NPIPB11: variants seen among roughly 807,000 people sequenced by gnomAD.
The protein encoded by NPIPB11 is nuclear pore complex-interacting protein family member B11.
Under a neutral mutation model 32.8 loss-of-function variants are expected in NPIPB11, and 17 were observed. The observed-to-expected ratio is 0.52, with a 90% CI of 0.35 to 0.78. The LOEUF is 0.78. Among genes scored for constraint, NPIPB11 ranks in the 30% least tolerant of loss-of-function variants. The pLI is 0.01. For missense variants in NPIPB11, 537 were observed against 1,000.4 expected, an observed-to-expected ratio of 0.54 and a Z score of 6.25; for synonymous variants, 209 against 398.4, an observed-to-expected ratio of 0.52 and a Z score of 5.66.
At chr16:29,392,009 C>G (rs1242800647) in intron 3 of NPIPB11, among the ~76,000 whole-genome samples, 1 of 152,074 alleles carries the variant, frequency 6.6e-6, no homozygotes, top group African/African-American at 2.4e-5. Context: ...GCATGAGCCA[C>G]CACACCTGGC....
chr16:29,392,289 G>C (rs1472596286), intron 3 of NPIPB11, among the ~76,000 whole-genome samples: 1 of 152,036 alleles, frequency 6.6e-6, no homozygotes, highest in Non-Finnish European at 1.5e-5. Flanking sequence ...CACCCATGAT[G>C]TCCCTGCTTA....
chr16:29,406,070 T>C (rs529355334), upstream of NPIPB11, among the ~76,000 whole-genome samples: 1 of 152,396 alleles, frequency 6.6e-6, no homozygotes, highest in African/African-American at 2.4e-5. Context: ...TTGACGTCTT[T>C]GATGGGTTTC....
At chr16:29,406,064 C>T (rs1329557344), upstream of NPIPB11, among the ~76,000 whole-genome samples, 11 of 152,362 alleles carry the variant, frequency 7.2e-5, no homozygotes, top group South Asian at 2.1e-4. Flanking sequence ...TCAAACTTGA[C>T]GTCTTTGATG....
intron 3 of NPIPB11, among the ~76,000 whole-genome samples, chr16:29,390,642 A>T (rs910303062): frequency 7.8e-6 from 1 of 128,982 alleles, no homozygotes; most frequent in Non-Finnish European, 1.7e-5. Context: ...ACAGAATGAG[A>T]CTCTGTCACA....
chr16:29,405,173 T>C (rs1384993827), upstream of NPIPB11, among the ~76,000 whole-genome samples: 1 of 152,074 alleles, frequency 6.6e-6, no homozygotes, highest in East Asian at 1.9e-4. Flanking sequence ...TTGCATCATA[T>C]TTCCCATATG....
chr16:29,404,652 G>A (rs560469556), upstream of NPIPB11, among the ~76,000 whole-genome samples: 18 of 151,194 alleles, frequency 1.2e-4, no homozygotes, highest in East Asian at 3.9e-4. Flanking sequence ...GGGTAGTTCC[G>A]GCCTGGAGGT....
intron 2 of NPIPB11, among the ~76,000 whole-genome samples, chr16:29,398,809 A>T (rs1372459843): frequency 6.6e-6 from 1 of 151,908 alleles, no homozygotes; most frequent in Non-Finnish European, 1.5e-5. Context: ...CTGGCCTGGG[A>T]ATTCCTCTTT....
intron 3 of NPIPB11, among the ~76,000 whole-genome samples, chr16:29,390,992 C>G (rs992669981): frequency 6.7e-6 from 1 of 150,136 alleles, no homozygotes; most frequent in African/African-American, 2.5e-5. Flanking sequence ...AAATAGGCCA[C>G]CTGCGGTAGC....
intron 5 of NPIPB11, among the ~76,000 whole-genome samples, chr16:29,389,114 G>C: frequency 6.6e-6 from 1 of 150,614 alleles, no homozygotes; most frequent in Non-Finnish European, 1.5e-5. Context: ...AGAATCGCTT[G>C]AACCTGGGAG....
At chr16:29,401,877 G>T (rs1231688164) in intron 2 of NPIPB11, among the ~76,000 whole-genome samples, 1 of 151,616 alleles carries the variant, frequency 6.6e-6, no homozygotes, top group Non-Finnish European at 1.5e-5. Context: ...TGCAGCATGG[G>T]CAAGAAAAGA....
intron 2 of NPIPB11, among the ~76,000 whole-genome samples, chr16:29,399,914 T>G (rs1201989853): frequency 6.6e-6 from 1 of 151,210 alleles, no homozygotes; most frequent in Non-Finnish European, 1.5e-5. Context: ...CCGTCTCTAC[T>G]AAAAATACAA....
At chr16:29,389,668 G>GAAAA (rs1160526743) in intron 5 of NPIPB11, among the ~76,000 whole-genome samples, 58 of 17,284 alleles carry the variant, frequency 3.4e-3, no homozygotes, top group East Asian at 0.019. Context: ...TCCATCTCAG[G>GAAAA]AAAAAAAAAA....
At chr16:29,406,424 C>T (rs553940174), upstream of NPIPB11, among the ~76,000 whole-genome samples, 7 of 152,302 alleles carry the variant, frequency 4.6e-5, no homozygotes, top group Admixed American at 3.9e-4. Context: ...TTTGTATAAA[C>T]ACGTCATGAA....
At position 29,390,302 on chromosome 16, in the gene NPIPB11, C is replaced by A. The variant is rs1240386624; in HGVS notation, c.296G>T (p.Gly99Val). The change falls in exon 4 of 8, where the codon GGA becomes GTA. Residue 99 changes from glycine (G) to valine (V), a missense_variant. Physicochemically the swap from Gly to Val is moderately radical, Grantham distance 109 (BLOSUM62 -3). Coordinates refer to ENST00000524087, the Ensembl canonical transcript of NPIPB11. Reference sequence around the variant, plus strand: ...GGCTCTCTGCTGTACATCCGTGGATCCATCATGTCCATTTCGAGACCAGAA... The same window carrying A: ...GGCTCTCTGCTGTACATCCGTGGATACATCATGTCCATTTCGAGACCAGAA... The A allele has an allele frequency of 2.5e-6, 4 of 1,579,016 alleles. No homozygotes were observed. The South Asian group carries it at 3.3e-5, about 13-fold the overall frequency.
intron 5 of NPIPB11, 119 bp downstream of exon 5, chr16:29,389,822 T>C: frequency 6.5e-7 from 1 of 1,549,294 alleles, no homozygotes; most frequent in Non-Finnish European, 8.7e-7. Flanking sequence ...ACAAACTCAA[T>C]TTTGAACCTA....
chr16:29,397,059 T>C lies in NPIPB11; in HGVS notation c.121-2983A>G, dbSNP rs1202836852. ...ATTAGCCAGGCGTTGTAATCTGAGC[T>C]ACTCAGGAGGCTGAGGCAGGACAAT... On this transcript the variant is annotated intron_variant, in intron 2 of 7. Transcript: ENST00000524087. Among the ~76,000 whole-genome samples, 3 of 150,704 alleles carry C rather than the reference T, an allele frequency of 2.0e-5. No homozygotes were observed. The East Asian group carries it at 6.0e-4, about 30-fold the overall frequency.
At chr16:29,402,624 A>C in intron 2 of NPIPB11, among the ~76,000 whole-genome samples, 2 of 128,802 alleles carry the variant, frequency 1.6e-5, no homozygotes, top group Admixed American at 7.7e-5. Context: ...AATTGCTTGA[A>C]CCCGGGAGAC....
chr16:29,382,225 G>T, exon 8 of NPIPB11: 1 of 1,573,018 alleles, frequency 6.4e-7, no homozygotes, highest in Non-Finnish European at 8.6e-7. Flanking sequence ...GTGAGCTGAC[G>T]TTTGGAAGGT....
chr16:29,402,997 T>C (rs1369240523), intron 2 of NPIPB11, among the ~76,000 whole-genome samples: 2 of 150,976 alleles, frequency 1.3e-5, no homozygotes, highest in Non-Finnish European at 2.9e-5. Flanking sequence ...ATATGTACTA[T>C]AGAATGTATT....
Sources: allele counts gnomAD v4.1 joint callset (sites outside exome capture counted in the v4.1 genomes callset), GRCh38; gene constraint gnomAD v4.1.1; transcripts MANE v1.5; gene names NCBI Gene and HGNC (gene_info 2026-07-23, HGNC 2026-07-21).